The following MRC1 variants were observed in gnomAD, a reference collection of about 807,000 sequenced individuals.
MRC1 encodes the protein macrophage mannose receptor 1.
Under a neutral mutation model 102.9 loss-of-function variants are expected in MRC1, and 62 were observed. The observed-to-expected ratio is 0.60, with a 90% CI of 0.49 to 0.74. The LOEUF (loss-of-function observed/expected upper bound fraction) is 0.74. Ranked by LOEUF, MRC1 falls within the 30% of genes least tolerant of loss-of-function variation. The pLI, the probability that MRC1 is intolerant of heterozygous loss-of-function variation, is 0.00. For missense variants in MRC1, 1,237 were observed against 862.8 expected (o/e 1.43, Z -5.43); for synonymous variants, 457 against 298.4 (o/e 1.53, Z -5.48).
chr10:17,869,295 A>G (rs1361882323), intron 12 of MRC1, among the ~76,000 whole-genome samples: 10 of 152,338 alleles, frequency 6.6e-5, no homozygotes, highest in Non-Finnish European at 1.5e-4. Context: ...AAGTTGAGGC[A>G]TCATAGGAGT....
chr10:17,832,817 C>T (rs1165999339), intron 3 of MRC1, among the ~76,000 whole-genome samples: 2 of 151,944 alleles, frequency 1.3e-5, no homozygotes, highest in Admixed American at 1.3e-4. Context: ...TCTCCATCTC[C>T]TGACCTTGTG....
intron 22 of MRC1, among the ~76,000 whole-genome samples, chr10:17,889,052 T>C (rs1833639064): frequency 1.3e-5 from 2 of 152,230 alleles, no homozygotes; most frequent in African/African-American, 2.4e-5. Flanking sequence ...CCTTGCCCTA[T>C]AGTCTGCTCT....
chr10:17,822,100 C>T (rs1338664083), intron 1 of MRC1, among the ~76,000 whole-genome samples: 3 of 152,182 alleles, frequency 2.0e-5, no homozygotes, highest in South Asian at 2.1e-4. Flanking sequence ...GAGGAAGTTC[C>T]GTTTTGCCAG....
chr10:17,864,328 A>T (rs1035593105), intron 11 of MRC1, among the ~76,000 whole-genome samples: 1 of 152,152 alleles, frequency 6.6e-6, no homozygotes, highest in African/African-American at 2.4e-5. Context: ...TGAAAACCTA[A>T]AACTATATTA....
chr10:17,891,387 C>G (rs1833673487), intron 22 of MRC1, among the ~76,000 whole-genome samples: 1 of 151,968 alleles, frequency 6.6e-6, no homozygotes, highest in South Asian at 2.1e-4. Context: ...AGGATGCTCT[C>G]GACCTCCTGA....
chr10:17,909,771 G>A (rs1325070442), intron 29 of MRC1, among the ~76,000 whole-genome samples: 5 of 149,652 alleles, frequency 3.3e-5, no homozygotes, highest in Admixed American at 2.7e-4. Context: ...TGGCTTGCCT[G>A]TAACCTCCTT....
In MRC1 at chr10:17,900,858, A is replaced by T. The variant is rs1273972318; in HGVS notation, c.3554A>T (p.Lys1185Ile). The change falls in exon 25 of 30, where the codon AAA becomes ATA. Residue 1185 changes from lysine to isoleucine, a missense_variant. Transcript: ENST00000569591. ...RYTNWAADEP[K>I]LKSACVYLDL... is the part of the protein sequence containing the mutation. The stretch of plus-strand genomic sequence containing the variant: ...ACTAACTGGGCTGCTGATGAGCCCA[A>T]ATTGAAATCAGCATGTGTTTATCTG... The T allele has an allele frequency of 3.8e-6, 3 of 780,740 alleles. No individual in the cohort carries two copies. Among genetic ancestry groups the T allele is most frequent in the Admixed American group, 3.4e-5 (2 of 59,012 alleles). The allele number at this position is 780,740 out of a possible 1,614,324, so 48.4% of individuals were successfully genotyped here.
In MRC1 at chr10:17,898,345, T is replaced by C. The variant is rs1769425681; in HGVS notation, c.3483+79T>C. ...TATGATTATCTTTCTGTTTGTTCTG[T>C]TGAATACTCATTATGTGTAAGAGAC... On this transcript the variant is annotated intron_variant, in intron 24 of 29. Transcript: ENST00000569591. 3 of 779,966 alleles carry C rather than the reference T, an allele frequency of 3.8e-6. No homozygotes were observed. In the Admixed American group the frequency reaches 5.1e-5, roughly 13 times the overall value. 48.3% of individuals were successfully genotyped at this position (779,966 alleles called of 1,614,324 possible).
intron 17 of MRC1, among the ~76,000 whole-genome samples, chr10:17,876,628 GATTTGCAAAGATT>G (rs1322155157): frequency 6.6e-6 from 1 of 152,136 alleles, no homozygotes; most frequent in African/African-American, 2.4e-5. Flanking sequence ...TCACTAATTT[GATTTGCAAAGATT>G]ATAATTCTTA....
intron 9 of MRC1, among the ~76,000 whole-genome samples, chr10:17,860,459 G>C (rs1469472567): frequency 6.6e-6 from 1 of 151,918 alleles, no homozygotes; most frequent in Non-Finnish European, 1.5e-5. Context: ...AAAATTTTCT[G>C]TAAAGATAGG....
intron 16 of MRC1, 65 bp from the exon 17 acceptor site, chr10:17,875,025 T>A (rs1326557888): frequency 3.8e-6 from 3 of 780,346 alleles, no homozygotes; most frequent in Non-Finnish European, 7.2e-6. Context: ...CTTTGTGTGC[T>A]GTACACACCA....
rs1427853377 is a variant in MRC1, at chr10:17,845,366, T to A, written c.994T>A (p.Cys332Ser). The A allele has an allele frequency of 2.6e-6, 2 of 780,874 alleles. No individual in the cohort carries two copies. Among genetic ancestry groups the A allele is most frequent in the Non-Finnish European group, 4.8e-6 (2 of 417,954 alleles). The allele number at this position is 780,874 out of a possible 1,614,324, so 48.4% of individuals were successfully genotyped here. ...AAATGCTAAATGGGAAAATCTGGAA[T>A]GTGTTCAGAAACTGGGCTATATTTG... ...GKNAKWENLECVQKLGYICKK... is the reference protein window; with the variant it reads ...GKNAKWENLESVQKLGYICKK... Residue 332 changes from cysteine to serine, a missense_variant, in exon 6 of 30, where the codon TGT becomes AGT. Coordinates refer to ENST00000569591, the MANE Select transcript of MRC1 (RefSeq NM_002438.4).
intron 24 of MRC1, among the ~76,000 whole-genome samples, chr10:17,900,163 A>G (rs1255777625): frequency 6.6e-6 from 1 of 151,868 alleles, no homozygotes; most frequent in African/African-American, 2.4e-5. Context: ...GGCTTTTTAC[A>G]TCATATATAT....
chr10:17,831,413 C>A (rs945514942), intron 3 of MRC1, among the ~76,000 whole-genome samples: 1 of 151,252 alleles, frequency 6.6e-6, no homozygotes, highest in African/African-American at 2.5e-5. Flanking sequence ...AGTTAAAGCA[C>A]CTTAAAAATT....
At chr10:17,890,310 A>G (rs1313726449) in intron 22 of MRC1, among the ~76,000 whole-genome samples, 1 of 151,836 alleles carries the variant, frequency 6.6e-6, no homozygotes, top group Non-Finnish European at 1.5e-5. Context: ...GTATCTTAGT[A>G]TTTATCCTGT....
chr10:17,838,933 C>T (rs1477174608), intron 4 of MRC1, among the ~76,000 whole-genome samples: 2 of 152,196 alleles, frequency 1.3e-5, no homozygotes, highest in Admixed American at 6.5e-5. Context: ...TATAAAATTA[C>T]AAAAGCATAT....
intron 4 of MRC1, among the ~76,000 whole-genome samples, chr10:17,837,969 T>C (rs1838694863): frequency 6.6e-6 from 1 of 152,038 alleles, no homozygotes; most frequent in African/African-American, 2.4e-5. Context: ...TGCCAATTAC[T>C]GAAGAGCTAC....
intron 24 of MRC1, among the ~76,000 whole-genome samples, chr10:17,899,477 TAG>T (rs1833800300): frequency 1.3e-5 from 2 of 152,204 alleles, no homozygotes; most frequent in African/African-American, 4.8e-5. Flanking sequence ...CTTATTTCTA[TAG>T]AGTTAATGAT....
At chr10:17,857,260 C>A (rs902256646) in intron 9 of MRC1, among the ~76,000 whole-genome samples, 28 of 152,294 alleles carry the variant, frequency 1.8e-4, no homozygotes, top group African/African-American at 6.5e-4. Context: ...AGCAACGTAG[C>A]TTTCTGATAG....
Sources: gnomAD v4.1 joint callset for allele counts (sites outside exome capture counted in the v4.1 genomes callset) on GRCh38, gnomAD v4.1.1 for gene constraint, MANE v1.5 for transcripts, NCBI Gene and HGNC (gene_info 2026-07-23, HGNC 2026-07-21) for gene names.